The following LGI2 variants were observed in gnomAD, a reference collection of about 807,000 sequenced individuals.
The protein encoded by LGI2 is leucine rich repeat LGI family member 2, also known as leucine-rich repeat LGI family member 2.
A neutral mutation model predicts 52.0 loss-of-function variants in LGI2; 30 were observed. That is an observed-to-expected ratio of 0.58 (90% confidence interval 0.43 to 0.78). The LOEUF is 0.78. Ranked by LOEUF, LGI2 falls within the 30% of genes least tolerant of loss-of-function variation. The probability of loss-of-function intolerance (pLI) is 0.00; values close to 1 mark genes in which losing one functional copy is unlikely to be tolerated. For missense variants in LGI2, 573 were observed against 692.5 expected (o/e 0.83, Z 1.94); for synonymous variants, 270 against 271.8 (o/e 0.99, Z 0.06).
At chr4:25,021,982 C>G (rs1725978724) in intron 4 of LGI2, among the ~76,000 whole-genome samples, 1 of 149,188 alleles carries the variant, frequency 6.7e-6, no homozygotes, top group Non-Finnish European at 1.5e-5. Flanking sequence ...AAGTAGAGCA[C>G]ATATGGGAAA....
chr4:25,003,759 G>T lies in LGI2; in HGVS notation c.1330C>A (p.Arg444=). The part of the protein sequence containing the change: ...LSLTRFIGDS[R]VMRWNSKQFV... ...TGCTTACTGTTCCACCTCATGACCCGGGAGTCCCCGATGAAGCGGGTAAGG... is the reference window on the plus strand; with the variant it reads ...TGCTTACTGTTCCACCTCATGACCCTGGAGTCCCCGATGAAGCGGGTAAGG... The change falls in exon 8 of 8, where the codon CGG becomes AGG. Residue 444 remains arginine, a synonymous_variant. Coordinates refer to ENST00000382114, the MANE Select transcript of LGI2 (RefSeq NM_018176.4). The T allele has an allele frequency of 1.2e-6, 2 of 1,614,192 alleles. No homozygotes were observed. Among genetic ancestry groups the T allele is most frequent in the Non-Finnish European group, 1.7e-6 (2 of 1,180,040 alleles).
chr4:24,997,063 G>T (rs1175941136), downstream of LGI2, among the ~76,000 whole-genome samples: 1 of 152,190 alleles, frequency 6.6e-6, no homozygotes, highest in Non-Finnish European at 1.5e-5. Flanking sequence ...TGGAGCAGAG[G>T]CCAAGAGGGT....
rs1385527235 is a variant in LGI2, at chr4:24,999,716, C to T, written c.*3735G>A. Reference sequence around the variant, plus strand: ...AATTTCCATCATGAGCACTCCTGACCGCCAAACCTCTGGCATCCCATGCTG... The same window carrying T: ...AATTTCCATCATGAGCACTCCTGACTGCCAAACCTCTGGCATCCCATGCTG... On this transcript the variant is annotated 3_prime_UTR_variant, in exon 8 of 8. Coordinates refer to ENST00000382114, the MANE Select transcript of LGI2 (RefSeq NM_018176.4). 22 of 435,768 alleles carry T rather than the reference C, an allele frequency of 5.0e-5. No individual in the cohort carries two copies. The highest frequency in any genetic ancestry group is 2.7e-4 in the South Asian group (16 of 60,324). The allele number at this position is 435,768 out of a possible 1,614,324, so 27.0% of individuals were successfully genotyped here.
chr4:25,028,934 G>A (rs769574434), intron 1 of LGI2, among the ~76,000 whole-genome samples: 1 of 152,196 alleles, frequency 6.6e-6, no homozygotes, highest in Non-Finnish European at 1.5e-5. Flanking sequence ...TTCTGTTTGT[G>A]TAGACACAGC....
chr4:25,009,897 C>G (rs1725522438), intron 7 of LGI2, among the ~76,000 whole-genome samples: 1 of 152,116 alleles, frequency 6.6e-6, no homozygotes, highest in Non-Finnish European at 1.5e-5. Context: ...GCCTCCCAAA[C>G]TGCTGGGATA....
At position 25,015,996 on chromosome 4, in the gene LGI2, A is replaced by G. The variant is rs561493953; in HGVS notation, c.655+1993T>C. On this transcript the variant is annotated intron_variant, in intron 6 of 7. Transcript: ENST00000382114. ...CCAGAAAGCCTAGCGCTGACTTTCT[A>G]AAGTTTAGTAGGAAGCTTGTTCATG... Among the ~76,000 whole-genome samples, 88 of 152,292 alleles carry G rather than the reference A, an allele frequency of 5.8e-4. 1 individual carries two copies. The South Asian group carries it at 0.015, about 26-fold the overall frequency.
At chr4:24,997,018 G>A (rs1295081055), downstream of LGI2, among the ~76,000 whole-genome samples, 1 of 152,186 alleles carries the variant, frequency 6.6e-6, no homozygotes, top group African/African-American at 2.4e-5. Flanking sequence ...CTAAAGGCAG[G>A]AGTGGGAGAA....
intron 7 of LGI2, among the ~76,000 whole-genome samples, chr4:25,011,481 C>T (rs1173721653): frequency 2.0e-5 from 3 of 152,126 alleles, no homozygotes; most frequent in Non-Finnish European, 4.4e-5. Context: ...CTCTCCCTGC[C>T]TCCCCACATC....
In LGI2 at chr4:25,003,653, G is replaced by T; in HGVS notation, c.1436C>A (p.Ala479Asp). The T allele has an allele frequency of 6.2e-7, 1 of 1,614,088 alleles. No individual in the cohort carries two copies. Among genetic ancestry groups the T allele is most frequent in the Non-Finnish European group, 8.5e-7 (1 of 1,179,982 alleles). Residue 479 changes from alanine (A) to aspartate (D), a missense_variant, in exon 8 of 8, where the codon GCC becomes GAC. Coordinates refer to ENST00000382114, the MANE Select transcript of LGI2 (RefSeq NM_018176.4). ...AGAGAATGTATAGTCACTCCCCAGG[G>T]CCAGGTAGTGATTATCTTTAAAAGA... ...PFSFKDNHYL[A>D]LGSDYTFSQI...
At chr4:25,007,451 C>G (rs986170700) in intron 7 of LGI2, among the ~76,000 whole-genome samples, 1 of 152,106 alleles carries the variant, frequency 6.6e-6, no homozygotes. Context: ...GCTACCACCC[C>G]CTAGAAGTGT....
At position 25,030,884 on chromosome 4, in the gene LGI2, C is replaced by T. The variant is rs954016348; in HGVS notation, c.-191G>A. 1 of 179,272 alleles carries T rather than the reference C, an allele frequency of 5.6e-6. No homozygotes were observed. Among genetic ancestry groups the T allele is most frequent in the Non-Finnish European group, 1.1e-5 (1 of 92,266 alleles). The allele number at this position is 179,272 out of a possible 1,614,324, so 11.1% of individuals were successfully genotyped here. A position where few individuals can be genotyped will look rare whatever the true frequency, so the allele number is the denominator to read the frequency against. ...TGCTGGCCGCCACCCCCACTCGGCG[C>T]CCCCCCACCCGAGCCCGGGCTGCTG... On this transcript the variant is annotated 5_prime_UTR_variant, in exon 1 of 8. Coordinates refer to ENST00000382114, the MANE Select transcript of LGI2 (RefSeq NM_018176.4).
chr4:25,000,890 G>A lies in LGI2; in HGVS notation c.*2561C>T, dbSNP rs1725221531. The A allele has an allele frequency of 6.6e-6, 1 of 152,192 alleles. No individual in the cohort carries two copies. The highest frequency in any genetic ancestry group is 1.5e-5 in the Non-Finnish European group (1 of 68,028). The allele number at this position is 152,192 out of a possible 1,614,324, so 9.4% of individuals were successfully genotyped here. On this transcript the variant is annotated 3_prime_UTR_variant, in exon 8 of 8. Transcript: ENST00000382114. Reference sequence around the variant, plus strand: ...TAAAACTTCAGGGATTCTTGGGATGGAGCAGTAAGATTAATGAAGCAAAGA... The same window carrying A: ...TAAAACTTCAGGGATTCTTGGGATGAAGCAGTAAGATTAATGAAGCAAAGA...
chr4:25,029,851 G>A (rs145280998), intron 1 of LGI2, among the ~76,000 whole-genome samples: 6 of 152,336 alleles, frequency 3.9e-5, no homozygotes, highest in Non-Finnish European at 7.3e-5. Context: ...CCTCTGCCCA[G>A]CCTTCTGTTA....
At chr4:25,026,770 C>T in intron 3 of LGI2, 98 bp downstream of exon 3, 2 of 956,664 alleles carry the variant, frequency 2.1e-6, no homozygotes. Context: ...TTCTCCACCC[C>T]TAAACCCTTG....
intron 7 of LGI2, among the ~76,000 whole-genome samples, chr4:25,009,672 G>A (rs547097034): frequency 3.4e-4 from 52 of 152,200 alleles, no homozygotes; most frequent in African/African-American, 1.2e-3. Context: ...GTCTCACTCT[G>A]TCACCCAGGC....
At position 25,030,705 on chromosome 4, in the gene LGI2, G is replaced by T. The variant is rs1009628153; in HGVS notation, c.-12C>A. The T allele has an allele frequency of 3.1e-6, 4 of 1,288,244 alleles. No homozygotes were observed. Among genetic ancestry groups the T allele is most frequent in the Non-Finnish European group, 3.9e-6 (4 of 1,022,396 alleles). The allele number at this position is 1,288,244 out of a possible 1,614,324, so 79.8% of individuals were successfully genotyped here. A position where few individuals can be genotyped will look rare whatever the true frequency, so the allele number is the denominator to read the frequency against. ...CTCCGCAGCGCCATGCCCGGTCCCCGCTCCCCGCCCGGGCCCCGACCCCCA... is the reference window on the plus strand; with the variant it reads ...CTCCGCAGCGCCATGCCCGGTCCCCTCTCCCCGCCCGGGCCCCGACCCCCA... On this transcript the variant is annotated 5_prime_UTR_variant, in exon 1 of 8. Coordinates refer to ENST00000382114, the MANE Select transcript of LGI2 (RefSeq NM_018176.4).
At chr4:25,005,651 G>T (rs969379373) in intron 7 of LGI2, among the ~76,000 whole-genome samples, 6 of 151,840 alleles carry the variant, frequency 4.0e-5, no homozygotes, top group Admixed American at 2.0e-4. Context: ...GTGGTGGGGG[G>T]TTGCGGGGGG....
intron 6 of LGI2, among the ~76,000 whole-genome samples, chr4:25,015,220 T>C (rs895560226): frequency 2.6e-5 from 4 of 152,228 alleles, no homozygotes; most frequent in African/African-American, 9.6e-5. Context: ...CCGATCCTTC[T>C]GGGAGAGAAA....
At chr4:25,030,467 C>T (rs376771401) in intron 1 of LGI2, 30 bp downstream of exon 1, 1 of 1,093,600 alleles carries the variant, frequency 9.1e-7, no homozygotes, top group Admixed American at 2.3e-5. Context: ...TGGGGCGGGA[C>T]GGGATGGGGG....
Sources: allele counts gnomAD v4.1 joint callset (sites outside exome capture counted in the v4.1 genomes callset), GRCh38; gene constraint gnomAD v4.1.1; transcripts MANE v1.5; gene names NCBI Gene and HGNC (gene_info 2026-07-23, HGNC 2026-07-21).